Variants in PBX3 observed in about 807,000 individuals in gnomAD.
PBX3 encodes the protein PBX homeobox 3.
PBX3 carries 14 observed loss-of-function variants against 48.5 expected under a neutral mutation model. That is an observed-to-expected ratio of 0.29 (90% CI 0.19 to 0.45). The LOEUF (loss-of-function observed/expected upper bound fraction) is 0.45. PBX3 is among the 20% of genes least tolerant of loss of function. PBX3 has a pLI of 1.00. For missense variants in PBX3, 386 were observed against 546.7 expected (o/e 0.71, Z 2.93); for synonymous variants, 210 against 200.3 (o/e 1.05, Z -0.41).
rs1453162545 is a variant in PBX3, at chr9:125,929,771, T to A, written c.633T>A (p.Ser211Arg). The change falls in exon 4 of 9, where the codon AGT (serine) becomes AGA (arginine). Residue 211 changes from serine (S) to arginine (R), a missense_variant. Coordinates refer to ENST00000373489, the MANE Select transcript of PBX3 (RefSeq NM_006195.6). ...TGGGCATCATCCATCGAAAATTTAGTTCCATTCAGATGCAGCTCAAACAAA... is the reference window on the plus strand; with the variant it reads ...TGGGCATCATCCATCGAAAATTTAGATCCATTCAGATGCAGCTCAAACAAA... ...RMVGIIHRKF[S>R]SIQMQLKQST... 6.2e-7 allele frequency: 1 copy of A among 1,613,916 alleles called. No individual in the cohort carries two copies. Among genetic ancestry groups the A allele is most frequent in the Non-Finnish European group, 8.5e-7 (1 of 1,179,942 alleles).
intron 2 of PBX3, among the ~76,000 whole-genome samples, chr9:125,869,416 A>G (rs1399581870): frequency 1.3e-5 from 2 of 152,252 alleles, no homozygotes. Context: ...TCAAATAGGT[A>G]GCTCGGTGAA....
intron 2 of PBX3, among the ~76,000 whole-genome samples, chr9:125,820,377 C>A (rs1438502635): frequency 6.6e-6 from 1 of 152,156 alleles, no homozygotes; most frequent in Non-Finnish European, 1.5e-5. Context: ...TTAAAATTAA[C>A]TGTTTAGGGC....
intron 3 of PBX3, among the ~76,000 whole-genome samples, chr9:125,923,927 T>C (rs1313490944): frequency 6.6e-6 from 1 of 151,828 alleles, no homozygotes; most frequent in Non-Finnish European, 1.5e-5. Context: ...TGTAGTGATA[T>C]GATCATAGCT....
intron 4 of PBX3, among the ~76,000 whole-genome samples, chr9:125,932,729 A>T (rs1286967093): frequency 6.6e-6 from 1 of 152,016 alleles, no homozygotes; most frequent in African/African-American, 2.4e-5. Context: ...ATTTCTGCTG[A>T]TACTTTCCCA....
At chr9:125,879,639 A>G (rs1220378937) in intron 2 of PBX3, among the ~76,000 whole-genome samples, 1 of 151,974 alleles carries the variant, frequency 6.6e-6, no homozygotes, top group Non-Finnish European at 1.5e-5. Context: ...AATAAATGCC[A>G]TATTTTGTTG....
chr9:125,938,310 A>G (rs1841882574), intron 5 of PBX3, among the ~76,000 whole-genome samples: 1 of 152,250 alleles, frequency 6.6e-6, no homozygotes, highest in Non-Finnish European at 1.5e-5. Context: ...TTTGTTTATC[A>G]AAGTACTTAA....
chr9:125,889,545 C>T (rs1476461069), intron 2 of PBX3, among the ~76,000 whole-genome samples: 1 of 152,210 alleles, frequency 6.6e-6, no homozygotes, highest in Non-Finnish European at 1.5e-5. Flanking sequence ...AGCCGCTCCG[C>T]TCTCAGTGGC....
intron 2 of PBX3, among the ~76,000 whole-genome samples, chr9:125,797,026 C>A (rs949260204): frequency 6.6e-6 from 1 of 152,062 alleles, no homozygotes; most frequent in Non-Finnish European, 1.5e-5. Context: ...TTGGTTGAAA[C>A]ACCCAGTTGC....
At chr9:125,931,852 T>C (rs1195607427) in intron 4 of PBX3, among the ~76,000 whole-genome samples, 1 of 152,174 alleles carries the variant, frequency 6.6e-6, no homozygotes, top group African/African-American at 2.4e-5. Context: ...AGGGTACTAT[T>C]TTAGATAGAT....
intron 2 of PBX3, among the ~76,000 whole-genome samples, chr9:125,807,239 A>T (rs1402300827): frequency 6.6e-6 from 1 of 152,120 alleles, no homozygotes; most frequent in Non-Finnish European, 1.5e-5. Flanking sequence ...CAGGAGAATC[A>T]CTTGAACCTG....
At chr9:125,874,019 A>G (rs984585098) in intron 2 of PBX3, among the ~76,000 whole-genome samples, 1 of 152,180 alleles carries the variant, frequency 6.6e-6, no homozygotes, top group African/African-American at 2.4e-5. Context: ...ACTGGATCTG[A>G]AAGAAGATAA....
intron 1 of PBX3, chr9:125,748,066 C>G (rs1297046577): frequency 4.8e-6 from 1 of 208,732 alleles, no homozygotes; most frequent in African/African-American, 2.4e-5. Context: ...GGCGGCCACC[C>G]GGGCCCGGCG....
At chr9:125,779,668 C>G (rs1403240761) in intron 2 of PBX3, among the ~76,000 whole-genome samples, 1 of 135,858 alleles carries the variant, frequency 7.4e-6, no homozygotes, top group Non-Finnish European at 1.5e-5. Flanking sequence ...TCTTTCTACA[C>G]AGACACAGCA....
intron 5 of PBX3, 99 bp from the exon 6 acceptor site, chr9:125,960,585 T>C (rs986217604): frequency 9.9e-6 from 10 of 1,012,234 alleles, no homozygotes; most frequent in Non-Finnish European, 1.4e-5. Context: ...AGGAATTGTG[T>C]GTCTCCCAAG....
intron 2 of PBX3, among the ~76,000 whole-genome samples, chr9:125,792,033 TACAC>T (rs550111379): frequency 0.06 from 8,290 of 137,322 alleles, 328 homozygotes; most frequent in African/African-American, 0.12. Context: ...GGATTAATAC[TACAC>T]ACACACACGC....
chr9:125,954,249 G>A (rs1842254668), intron 5 of PBX3, among the ~76,000 whole-genome samples: 1 of 152,092 alleles, frequency 6.6e-6, no homozygotes, highest in Non-Finnish European at 1.5e-5. Context: ...ACATTTGATG[G>A]TCAAAATAAG....
intron 2 of PBX3, among the ~76,000 whole-genome samples, chr9:125,868,781 C>G (rs1396809988): frequency 1.3e-5 from 2 of 152,032 alleles, no homozygotes; most frequent in Non-Finnish European, 2.9e-5. Context: ...TCCTTATGGC[C>G]CAAGAAGGTT....
At chr9:125,834,889 C>A (rs1441819544) in intron 2 of PBX3, among the ~76,000 whole-genome samples, 1 of 149,624 alleles carries the variant, frequency 6.7e-6, no homozygotes, top group Admixed American at 6.6e-5. Context: ...TGGTGGCAGG[C>A]GCCTGTAATC....
chr9:125,820,346 T>A (rs1838614728), intron 2 of PBX3, among the ~76,000 whole-genome samples: 1 of 152,218 alleles, frequency 6.6e-6, no homozygotes. Flanking sequence ...TGCTTGTTTC[T>A]ATTCAGCACT....
Sources: gnomAD v4.1 joint callset for allele counts (sites outside exome capture counted in the v4.1 genomes callset) on GRCh38, gnomAD v4.1.1 for gene constraint, MANE v1.5 for transcripts, NCBI Gene and HGNC (gene_info 2026-07-23, HGNC 2026-07-21) for gene names.